Variants in SUGCT observed in about 807,000 individuals in gnomAD.
The protein encoded by SUGCT is succinyl-CoA:glutarate-CoA transferase.
A neutral mutation model predicts 55.0 loss-of-function variants in SUGCT; 41 were observed. That is an observed-to-expected ratio of 0.74 (90% confidence interval 0.58 to 0.97). The LOEUF (loss-of-function observed/expected upper bound fraction) is 0.97, where lower values mean the gene tolerates loss of function less well. SUGCT is among the 50% of genes least tolerant of loss of function. The probability of loss-of-function intolerance (pLI) is 0.00; values close to 1 mark genes in which losing one functional copy is unlikely to be tolerated. For synonymous variants in SUGCT, 187 were observed against 200.4 expected (o/e 0.93, Z 0.56); for missense variants, 568 against 547.8 (o/e 1.04, Z -0.37).
intron 12 of SUGCT, among the ~76,000 whole-genome samples, chr7:40,535,352 T>C (rs1048208567): frequency 1.3e-5 from 2 of 152,164 alleles, no homozygotes; most frequent in African/African-American, 2.4e-5. Context: ...ATTGCTGCTG[T>C]CTTTATGTCC....
chr7:40,379,767 A>C (rs185869947), intron 9 of SUGCT, among the ~76,000 whole-genome samples: 110 of 152,212 alleles, frequency 7.2e-4, no homozygotes, highest in African/African-American at 2.6e-3. Flanking sequence ...ACAGAGCCTC[A>C]AGGTTAGTAA....
At chr7:40,662,411 G>A (rs1326264346) in intron 12 of SUGCT, among the ~76,000 whole-genome samples, 3 of 152,168 alleles carry the variant, frequency 2.0e-5, no homozygotes, top group African/African-American at 4.8e-5. Flanking sequence ...TCTCTGCTTA[G>A]AATCATCCAA....
At chr7:40,176,186 C>A (rs1234066308) in intron 1 of SUGCT, among the ~76,000 whole-genome samples, 1 of 151,168 alleles carries the variant, frequency 6.6e-6, no homozygotes, top group Non-Finnish European at 1.5e-5. Flanking sequence ...GAGCTGAGAT[C>A]ACTCCAGCCT....
chr7:40,436,284 C>T (rs1238028236), intron 9 of SUGCT, among the ~76,000 whole-genome samples: 1 of 152,016 alleles, frequency 6.6e-6, no homozygotes, highest in Non-Finnish European at 1.5e-5. Flanking sequence ...ATTTTCCATA[C>T]TCTGGGATGA....
chr7:40,218,657 C>A (rs1787818316), intron 6 of SUGCT, among the ~76,000 whole-genome samples: 1 of 152,146 alleles, frequency 6.6e-6, no homozygotes, highest in South Asian at 2.1e-4. Flanking sequence ...AATAACTTTT[C>A]TGTCTAGCTA....
chr7:40,819,852 G>C (rs1350290102), intron 13 of SUGCT, among the ~76,000 whole-genome samples: 1 of 152,174 alleles, frequency 6.6e-6, no homozygotes, highest in Non-Finnish European at 1.5e-5. Context: ...AGCCTGAATG[G>C]TATTGCCTAG....
intron 12 of SUGCT, among the ~76,000 whole-genome samples, chr7:40,553,731 G>A (rs1439405424): frequency 4.6e-5 from 7 of 152,190 alleles, no homozygotes; most frequent in Admixed American, 2.0e-4. Flanking sequence ...GTGTGCATGT[G>A]CACAAGCTGG....
intron 12 of SUGCT, among the ~76,000 whole-genome samples, chr7:40,666,682 G>A (rs1480058059): frequency 6.6e-6 from 1 of 152,026 alleles, no homozygotes; most frequent in African/African-American, 2.4e-5. Flanking sequence ...ATACATTTAT[G>A]TTCCATGTGT....
intron 12 of SUGCT, among the ~76,000 whole-genome samples, chr7:40,742,087 G>A (rs1300608169): frequency 2.6e-5 from 4 of 152,016 alleles, no homozygotes; most frequent in African/African-American, 4.8e-5. Context: ...CTATATATAC[G>A]TGTGTGTATA....
At chr7:40,912,929 C>A in the SUGCT span, among the ~76,000 whole-genome samples, 2 of 152,096 alleles carry the variant, frequency 1.3e-5, no homozygotes, top group Admixed American at 6.6e-5. Context: ...TGAGAATATA[C>A]CCCTGATCTG....
intron 6 of SUGCT, among the ~76,000 whole-genome samples, chr7:40,196,162 A>G (rs535979240): frequency 6.6e-6 from 1 of 152,272 alleles, no homozygotes; most frequent in East Asian, 1.9e-4. Flanking sequence ...CCTCTTATAT[A>G]TGCATGTATG....
Position 40,811,394 on chromosome 7 carries a change from G to A in SUGCT, c.1154-48922G>A, listed in dbSNP as rs76106563. ...TAAATGATACTGATTCTTAGAATCCGTGAGTATGGAATATTTTTTCATTTG... is the reference window on the plus strand; with the variant it reads ...TAAATGATACTGATTCTTAGAATCCATGAGTATGGAATATTTTTTCATTTG... On this transcript the variant is annotated intron_variant, in intron 13 of 13. Transcript: ENST00000335693. 4.6e-5 allele frequency among the ~76,000 whole-genome samples: 7 copies of A among 152,096 alleles called. No individual in the cohort carries two copies. In the East Asian group the frequency reaches 7.7e-4, roughly 17 times the overall value.
chr7:40,368,438 C>T (rs1236288482), intron 9 of SUGCT, among the ~76,000 whole-genome samples: 2 of 151,982 alleles, frequency 1.3e-5, no homozygotes, highest in Admixed American at 6.6e-5. Context: ...ACCTTGTGAT[C>T]CCTCCTCCTT....
At chr7:40,533,766 T>G (rs946800209) in intron 12 of SUGCT, among the ~76,000 whole-genome samples, 2 of 152,180 alleles carry the variant, frequency 1.3e-5, no homozygotes, top group African/African-American at 4.8e-5. Flanking sequence ...TAATAACTTT[T>G]GTGAACATTT....
chr7:40,892,968 T>C, the SUGCT span, among the ~76,000 whole-genome samples: 5 of 152,112 alleles, frequency 3.3e-5, no homozygotes, highest in African/African-American at 1.2e-4. Context: ...AGAGAAAGAA[T>C]AGAAAAAGAT....
the SUGCT span, among the ~76,000 whole-genome samples, chr7:40,962,603 AC>A: frequency 6.7e-6 from 1 of 149,758 alleles, no homozygotes; most frequent in Non-Finnish European, 1.5e-5. Flanking sequence ...ACACACACAC[AC>A]ACACACATCA....
chr7:40,186,878 ATGAG>A (rs1359116332), intron 3 of SUGCT, among the ~76,000 whole-genome samples: 1 of 152,204 alleles, frequency 6.6e-6, no homozygotes, highest in Admixed American at 6.5e-5. Flanking sequence ...TGTTGAATGA[ATGAG>A]TGTGTCAAAA....
chr7:40,804,709 A>G (rs1484597539), intron 13 of SUGCT, among the ~76,000 whole-genome samples: 1 of 152,226 alleles, frequency 6.6e-6, no homozygotes, highest in African/African-American at 2.4e-5. Flanking sequence ...GTTCTGAATG[A>G]TGCCTAGCTT....
chr7:40,908,779 G>C, the SUGCT span, among the ~76,000 whole-genome samples: 21 of 152,244 alleles, frequency 1.4e-4, no homozygotes, highest in South Asian at 4.4e-3. Flanking sequence ...ATACCATGTG[G>C]CTATTAAACA....
Sources: allele counts gnomAD v4.1 joint callset (sites outside exome capture counted in the v4.1 genomes callset), GRCh38; gene constraint gnomAD v4.1.1; transcripts MANE v1.5; gene names NCBI Gene and HGNC (gene_info 2026-07-23, HGNC 2026-07-21).